Variants in SQSTM1 observed in about 807,000 individuals in gnomAD.
The protein encoded by SQSTM1 is sequestosome 1.
A neutral mutation model predicts 45.1 loss-of-function variants in SQSTM1; 36 were observed. The ratio of observed to expected loss-of-function variants is 0.80; its 90% CI spans 0.61 to 1.05. SQSTM1 has a LOEUF of 1.05. Among genes scored for constraint, SQSTM1 ranks in the 50% least tolerant of loss-of-function variants. The probability of loss-of-function intolerance (pLI) is 0.00; values close to 1 mark genes in which losing one functional copy is unlikely to be tolerated. For synonymous variants in SQSTM1, 290 were observed against 244.3 expected (o/e 1.19, Z -1.74); for missense variants, 617 against 607.1 (o/e 1.02, Z -0.17).
chr5:179,830,577 C>T (rs1392676074), intron 5 of SQSTM1, among the ~76,000 whole-genome samples: 1 of 151,320 alleles, frequency 6.6e-6, no homozygotes, highest in Non-Finnish European at 1.5e-5. Context: ...TTCCCCACCC[C>T]CGAGTCAGAG....
At chr5:179,827,045 A>G (rs914999695) in intron 5 of SQSTM1, among the ~76,000 whole-genome samples, 4 of 152,202 alleles carry the variant, frequency 2.6e-5, no homozygotes, top group Non-Finnish European at 5.9e-5. Context: ...CCTTCACTCA[A>G]AGAACAAAGG....
At chr5:179,833,507 G>C (rs1220032347) in intron 6 of SQSTM1, 80 bp from the exon 7 acceptor site, 1 of 1,503,214 alleles carries the variant, frequency 6.7e-7, no homozygotes, top group Non-Finnish European at 9.2e-7. Context: ...CTCCCCGACT[G>C]TCTGCCAGGA....
At position 179,833,386 on chromosome 5, in the gene SQSTM1, C is replaced by A. The variant is rs1758337959; in HGVS notation, c.969+140C>A. The A allele has an allele frequency of 3.9e-6, 4 of 1,022,394 alleles. No homozygotes were observed. In the African/African-American group the frequency reaches 4.8e-5, roughly 12 times the overall value. 63.3% of individuals were successfully genotyped at this position (1,022,394 alleles called of 1,614,324 possible). ...TGCTGCTGCTGCAGTGATGTCTGTG[C>A]CATTAAAGTCACGCTGGGAACCTGC... On this transcript the variant is annotated intron_variant, in intron 6 of 7. Coordinates refer to ENST00000389805, the MANE Select transcript of SQSTM1 (RefSeq NM_003900.5).
At chr5:179,816,384 G>A (rs527870418), upstream of SQSTM1, among the ~76,000 whole-genome samples, 2 of 151,450 alleles carry the variant, frequency 1.3e-5, no homozygotes, top group South Asian at 2.1e-4. Flanking sequence ...TCCTGACCTC[G>A]TGATCCGCCC....
chr5:179,833,461 G>T, intron 6 of SQSTM1, 126 bp from the exon 7 acceptor site: 1 of 1,093,302 alleles, frequency 9.1e-7, no homozygotes, highest in African/African-American at 1.5e-5. Context: ...GTTCCCCCTA[G>T]ACCCCTGCAG....
upstream of SQSTM1, among the ~76,000 whole-genome samples, chr5:179,814,418 C>T (rs1023992936): frequency 6.6e-6 from 1 of 152,170 alleles, no homozygotes; most frequent in African/African-American, 2.4e-5. Context: ...TTAACAGCAA[C>T]TTAGTCCCTT....
chr5:179,836,208 A>G (rs1220207180), intron 7 of SQSTM1: 1 of 613,506 alleles, frequency 1.6e-6, no homozygotes, highest in Admixed American at 2.8e-5. Flanking sequence ...CTGCTTACAC[A>G]CCACCTGGCT....
In SQSTM1 at chr5:179,806,528, A is replaced by G; in HGVS notation, c.-220A>G. On this transcript the variant is annotated 5_prime_UTR_variant, in exon 1 of 6. Coordinates refer to the SQSTM1 transcript ENST00000514093. This position sits in a 1 kb window ranked among gnomAD's most constrained non-coding sequence, Gnocchi z 4.6. ...TGCCGCGTACCAGGACAGCGAGAGG[A>G]AGGCGCACAGGCAGAAGAGCAGCAG... 1 of 1,338,404 alleles carries G rather than the reference A, an allele frequency of 7.5e-7. No individual in the cohort carries two copies. The highest frequency in any genetic ancestry group is 9.8e-7 in the Non-Finnish European group (1 of 1,019,772). The allele number at this position is 1,338,404 out of a possible 1,614,324, so 82.9% of individuals were successfully genotyped here.
At chr5:179,829,007 T>TG (rs984323790) in intron 5 of SQSTM1, among the ~76,000 whole-genome samples, 4 of 150,122 alleles carry the variant, frequency 2.7e-5, no homozygotes, top group African/African-American at 9.8e-5. Flanking sequence ...AGGCAAGAGG[T>TG]GGGAGTGATC....
At chr5:179,823,617 G>C (rs1327621599) in intron 2 of SQSTM1, 14 of 582,098 alleles carry the variant, frequency 2.4e-5, no homozygotes, top group Non-Finnish European at 4.0e-5. Flanking sequence ...GGCCAAAGCT[G>C]TGCAGACAGG....
Position 179,837,608 on chromosome 5 carries a change from G to A in SQSTM1, c.*1015G>A, listed in dbSNP as rs1165114847. The A allele has an allele frequency of 2.2e-5, 35 of 1,614,102 alleles. No individual in the cohort carries two copies. Among genetic ancestry groups the A allele is most frequent in the Non-Finnish European group, 2.6e-5 (31 of 1,180,052 alleles). On this transcript the variant is annotated 3_prime_UTR_variant, in exon 8 of 8. Coordinates refer to ENST00000389805, the MANE Select transcript of SQSTM1 (RefSeq NM_003900.5). ...AGTGGGCCTGCTGAGGCCTTCTCTT[G>A]AGGCCTGTGCTCTGGGGGTCCCTTG...
chr5:179,822,658 A>C, intron 1 of SQSTM1: 1 of 409,922 alleles, frequency 2.4e-6, no homozygotes, highest in Non-Finnish European at 4.6e-6. Flanking sequence ...CACGTTTCTG[A>C]AAAGGCAGCT....
At chr5:179,822,099 T>A (rs513235) in intron 1 of SQSTM1, among the ~76,000 whole-genome samples, 77,759 of 152,114 alleles carry the variant, frequency 0.51, 20,400 homozygotes, top group African/African-American at 0.59. Context: ...CATACATACC[T>A]TTTATCACCC....
chr5:179,808,094 G>C (rs1757259136), intron 1 of SQSTM1: 1 of 152,342 alleles, frequency 6.6e-6, no homozygotes, highest in African/African-American at 2.4e-5. Flanking sequence ...CCCAGACCTA[G>C]GGGCCCGGTT....
intron 3 of SQSTM1, 31 bp downstream of exon 3, chr5:179,824,118 G>T (rs752612286): frequency 1.2e-6 from 2 of 1,613,658 alleles, no homozygotes; most frequent in South Asian, 2.2e-5. Flanking sequence ...GGCCTGGGGT[G>T]GGCTCAGGGT....
At chr5:179,808,803 C>G (rs1385658622) in intron 1 of SQSTM1, among the ~76,000 whole-genome samples, 1 of 151,920 alleles carries the variant, frequency 6.6e-6, no homozygotes, top group Non-Finnish European at 1.5e-5. Context: ...AATTTTAAAA[C>G]AAATTTTTTT....
rs1758653979 is a variant in SQSTM1, at chr5:179,837,601, T to C, written c.*1008T>C. 6.2e-7 allele frequency: 1 copy of C among 1,614,072 alleles called. No homozygotes were observed. The highest frequency in any genetic ancestry group is 8.5e-7 in the Non-Finnish European group (1 of 1,179,936). ...CAGCGGCAGTGGGCCTGCTGAGGCC[T>C]TCTCTTGAGGCCTGTGCTCTGGGGG... On this transcript the variant is annotated 3_prime_UTR_variant, in exon 8 of 8. Transcript: ENST00000389805.
chr5:179,828,364 CTTATCTTTTTT>C (rs1758082211), intron 5 of SQSTM1, among the ~76,000 whole-genome samples: 3 of 120,148 alleles, frequency 2.5e-5, no homozygotes, highest in African/African-American at 9.6e-5. Context: ...TTTTTTTTTT[CTTATCTTTTTT>C]TTTTTTTTTT....
chr5:179,831,450 T>A (rs1289557536), intron 5 of SQSTM1, among the ~76,000 whole-genome samples: 1 of 152,126 alleles, frequency 6.6e-6, no homozygotes, highest in Admixed American at 6.5e-5. Flanking sequence ...TCACCTGAGG[T>A]CAGGAGTTCA....
Sources: allele counts gnomAD v4.1 joint callset (sites outside exome capture counted in the v4.1 genomes callset), GRCh38; gene constraint gnomAD v4.1.1; non-coding constraint Gnocchi (gnomAD v3.1); transcripts MANE v1.5; gene names NCBI Gene and HGNC (gene_info 2026-07-23, HGNC 2026-07-21).